ARHGEF19: variants seen among roughly 807,000 people sequenced by gnomAD.
The protein encoded by ARHGEF19 is Rho guanine nucleotide exchange factor (GEF) 19.
ARHGEF19 carries 92 observed loss-of-function variants against 87.6 expected under a neutral mutation model. The observed-to-expected ratio is 1.05, with a 90% CI of 0.89 to 1.25. ARHGEF19 has a LOEUF of 1.25. Ranked by LOEUF, ARHGEF19 falls within the 50% of genes most tolerant of loss-of-function variation. The pLI, the probability that ARHGEF19 is intolerant of heterozygous loss-of-function variation, is 0.00. For synonymous variants in ARHGEF19, 438 were observed against 446.2 expected (o/e 0.98, Z 0.23); for missense variants, 1,054 against 1,051.8 (o/e 1.00, Z -0.03).
intron 14 of ARHGEF19, 117 bp downstream of exon 14, chr1:16,201,665 C>CTATGGG: frequency 9.2e-7 from 1 of 1,085,358 alleles, no homozygotes; most frequent in Non-Finnish European, 1.3e-6. Context: ...CCTGACTGCC[C>CTATGGG]CAGAAGTTGG....
At position 16,207,374 on chromosome 1, in the gene ARHGEF19, G is replaced by T; in HGVS notation, c.874+148C>A. On this transcript the variant is annotated intron_variant, in intron 5 of 15. Transcript: ENST00000270747. This position sits in a 1 kb window ranked among gnomAD's most constrained non-coding sequence, Gnocchi z 4.0. ...TTCATTCATTCCATAAACAAATTGA[G>T]CACCTACTGAGTGCTAGATACCGAC... is the stretch of plus-strand genomic sequence containing the variant. The T allele has an allele frequency of 1.5e-6, 2 of 1,319,786 alleles. No individual in the cohort carries two copies. The highest frequency in any genetic ancestry group is 1.5e-5 in the South Asian group (1 of 68,354). The allele number at this position is 1,319,786 out of a possible 1,614,324, so 81.8% of individuals were successfully genotyped here.
intron 1 of ARHGEF19, among the ~76,000 whole-genome samples, chr1:16,211,929 T>C (rs1454720126): frequency 2.6e-5 from 4 of 152,206 alleles, no homozygotes; most frequent in Middle Eastern, 3.2e-3. Flanking sequence ...CGCCCAAGCT[T>C]TGAGGCCCAG....
Position 16,208,825 on chromosome 1 carries a change from A to G in ARHGEF19, c.230T>C (p.Leu77Pro). 2.5e-6 allele frequency: 4 copies of G among 1,612,894 alleles called. No homozygotes were observed. Among genetic ancestry groups the G allele is most frequent in the Non-Finnish European group, 3.4e-6 (4 of 1,179,562 alleles). The change falls in exon 2 of 16, where the codon CTA (leucine) becomes CCA (proline). Residue 77 changes from leucine to proline, a missense_variant. Leu to Pro is a moderately conservative substitution (Grantham distance 98, BLOSUM62 -3). Coordinates refer to ENST00000270747, the MANE Select transcript of ARHGEF19 (RefSeq NM_153213.5). ...TGAGCCTCCTGGGGATAATGGCCAT[A>G]GCAACCCTTGGAGAGGGGCAGGGGT... ...LGTPAPLQGL[L>P]WPLSPGGSDT...
At position 16,207,833 on chromosome 1, in the gene ARHGEF19, GC is replaced by G; in HGVS notation, c.695-57del. ...TCCAGAGAGTGGGCCTGGGGCCTGG[GC>G]CCCGGCCCAGGCACCCTGACGGCCT... On this transcript the variant is annotated intron_variant, in intron 3 of 15. Coordinates refer to ENST00000270747, the MANE Select transcript of ARHGEF19 (RefSeq NM_153213.5). The surrounding 1 kb of genome is among the most constrained non-coding windows in gnomAD (Gnocchi z 4.0). 1 of 1,591,166 alleles carries G rather than the reference GC, an allele frequency of 6.3e-7. No homozygotes were observed. Among genetic ancestry groups the G allele is most frequent in the Non-Finnish European group, 8.5e-7 (1 of 1,169,912 alleles).
At position 16,207,377 on chromosome 1, in the gene ARHGEF19, C is replaced by A. The variant is rs1393039381; in HGVS notation, c.874+145G>T. On this transcript the variant is annotated intron_variant, in intron 5 of 15. Coordinates refer to ENST00000270747, the MANE Select transcript of ARHGEF19 (RefSeq NM_153213.5). This position sits in a 1 kb window ranked among gnomAD's most constrained non-coding sequence, Gnocchi z 4.0. ...ATTCATTCCATAAACAAATTGAGCA[C>A]CTACTGAGTGCTAGATACCGACAGT... 6.8e-6 allele frequency: 9 copies of A among 1,332,048 alleles called. No homozygotes were observed. Among genetic ancestry groups the A allele is most frequent in the Non-Finnish European group, 9.2e-6 (9 of 982,648 alleles). The allele number at this position is 1,332,048 out of a possible 1,614,324, so 82.5% of individuals were successfully genotyped here.
intron 15 of ARHGEF19, 75 bp downstream of exon 15, chr1:16,199,075 T>A (rs1278840947): frequency 4.2e-6 from 6 of 1,423,976 alleles, no homozygotes; most frequent in Non-Finnish European, 5.9e-6. Context: ...CCTTTCCCTG[T>A]GATATCTTAG....
At position 16,207,896 on chromosome 1, in the gene ARHGEF19, C is replaced by A; in HGVS notation, c.694+48G>T. On this transcript the variant is annotated intron_variant, in intron 3 of 15. Coordinates refer to ENST00000270747, the MANE Select transcript of ARHGEF19 (RefSeq NM_153213.5). This position sits in a 1 kb window ranked among gnomAD's most constrained non-coding sequence, Gnocchi z 4.0. Reference sequence around the variant, plus strand: ...TGAGTGGGCATCGCCCACCCCCACCCCCACCCGGCATCTGGCTGCCCTCAG... The same window carrying A: ...TGAGTGGGCATCGCCCACCCCCACCACCACCCGGCATCTGGCTGCCCTCAG... The A allele has an allele frequency of 6.4e-7, 1 of 1,557,146 alleles. No individual in the cohort carries two copies. The highest frequency in any genetic ancestry group is 8.7e-7 in the Non-Finnish European group (1 of 1,144,774).
chr1:16,200,818 T>C (rs1209758263), intron 14 of ARHGEF19, among the ~76,000 whole-genome samples: 1 of 151,940 alleles, frequency 6.6e-6, no homozygotes, highest in Non-Finnish European at 1.5e-5. Flanking sequence ...TAAGAATCAC[T>C]TGAACCCAGG....
rs2081124820 is a variant in ARHGEF19 at position 16,205,682 on chromosome 1, G to C, written c.1452-15C>G. ...GGTTCTCCAGGCTGGAAAATGGGGA[G>C]GACTCTGGAATCACAGGTAGGCCTG... On this transcript the variant is annotated splice_polypyrimidine_tract_variant and intron_variant, in intron 8 of 15. Coordinates refer to ENST00000270747, the MANE Select transcript of ARHGEF19 (RefSeq NM_153213.5). This position sits in a 1 kb window ranked among gnomAD's most constrained non-coding sequence, Gnocchi z 5.8. 1 of 1,598,108 alleles carries C rather than the reference G, an allele frequency of 6.3e-7. No individual in the cohort carries two copies. Among genetic ancestry groups the C allele is most frequent in the Admixed American group, 1.8e-5 (1 of 55,692 alleles).
At chr1:16,201,961 G>T (rs1206596226) in intron 13 of ARHGEF19, 100 bp from the exon 14 acceptor site, 295 of 1,278,328 alleles carry the variant, frequency 2.3e-4, no homozygotes, top group Non-Finnish European at 3.0e-4. Context: ...TGATGTCCAG[G>T]CCTAGGACCC....
chr1:16,204,913 G>A lies in ARHGEF19; in HGVS notation c.1753C>T (p.Pro585Ser). 1.3e-6 allele frequency: 2 copies of A among 1,599,620 alleles called. No individual in the cohort carries two copies. The highest frequency in any genetic ancestry group is 1.7e-6 in the Non-Finnish European group (2 of 1,172,590). Residue 585 changes from proline (P) to serine (S), a missense_variant, in exon 12 of 16, where the codon CCG becomes TCG. Physicochemically the swap from Pro to Ser is moderately conservative, Grantham distance 74 (BLOSUM62 -1). Transcript: ENST00000270747. ...AGCCAGCGGGCCTGAGAGATCAGCG[G>A]GAAAATCTAGAGGGATGGAGAAGGA... ...KKIHFEGKIF[P>S]LISQARWLVR...
chr1:16,211,672 T>C (rs1402794127), intron 1 of ARHGEF19, among the ~76,000 whole-genome samples: 1 of 152,228 alleles, frequency 6.6e-6, no homozygotes, highest in Non-Finnish European at 1.5e-5. Context: ...CCCATCTAGC[T>C]GGGATGCCAG....
In ARHGEF19 at chr1:16,205,723, C is replaced by A; in HGVS notation, c.1452-56G>T. On this transcript the variant is annotated intron_variant, in intron 8 of 15. Transcript: ENST00000270747. This position sits in a 1 kb window ranked among gnomAD's most constrained non-coding sequence, Gnocchi z 5.8. ...GGTAGGCCTGAATTCCTGGGATCCA[C>A]AACCCTGGCCATCCACGGGGTCCTC... The A allele has an allele frequency of 4.5e-6, 7 of 1,548,114 alleles. No individual in the cohort carries two copies. Among genetic ancestry groups the A allele is most frequent in the Non-Finnish European group, 6.1e-6 (7 of 1,148,206 alleles).
In ARHGEF19 at chr1:16,208,931, G is replaced by C. The variant is rs747789840; in HGVS notation, c.124C>G (p.Pro42Ala). The change falls in exon 2 of 16, where the codon CCC becomes GCC. Residue 42 changes from proline (P) to alanine (A), a missense_variant. Transcript: ENST00000270747. Reference sequence around the variant, plus strand: ...AGGTCCAGACACACTGGGCTCGGGGGCTTCAGGGCGGGCAGCTCTGCAAAG... The same window carrying C: ...AGGTCCAGACACACTGGGCTCGGGGCCTTCAGGGCGGGCAGCTCTGCAAAG... ...LSFAELPALK[P>A]PSPVCLDLFP... is the part of the protein sequence containing the mutation. 3 of 1,583,716 alleles carry C rather than the reference G, an allele frequency of 1.9e-6. No homozygotes were observed. The East Asian group carries it at 6.8e-5, about 36-fold the overall frequency.
chr1:16,199,765 A>G (rs1438233575), intron 14 of ARHGEF19, among the ~76,000 whole-genome samples: 2 of 152,018 alleles, frequency 1.3e-5, no homozygotes, highest in Non-Finnish European at 2.9e-5. Context: ...TAGGCCCTAC[A>G]AGGCCCTTCA....
intron 14 of ARHGEF19, 85 bp downstream of exon 14, chr1:16,201,697 C>A (rs2081084523): frequency 5.5e-6 from 8 of 1,453,688 alleles, no homozygotes; most frequent in Non-Finnish European, 6.5e-6. Flanking sequence ...ATAGCCCTGC[C>A]AGCAACACAG....
Position 16,207,898 on chromosome 1 carries a change from C to CCCCCG in ARHGEF19, c.694+45_694+46insCGGGG. On this transcript the variant is annotated intron_variant, in intron 3 of 15. Coordinates refer to ENST00000270747, the MANE Select transcript of ARHGEF19 (RefSeq NM_153213.5). The surrounding 1 kb of genome is among the most constrained non-coding windows in gnomAD (Gnocchi z 4.0). ...AGTGGGCATCGCCCACCCCCACCCC[C>CCCCCG]ACCCGGCATCTGGCTGCCCTCAGGG... The CCCCCG allele has an allele frequency of 6.4e-7, 1 of 1,562,138 alleles. No individual in the cohort carries two copies. The highest frequency in any genetic ancestry group is 8.7e-7 in the Non-Finnish European group (1 of 1,149,016).
chr1:16,209,698 C>G (rs1038135913), intron 1 of ARHGEF19, among the ~76,000 whole-genome samples: 20 of 152,220 alleles, frequency 1.3e-4, no homozygotes, highest in Non-Finnish European at 2.2e-4. Flanking sequence ...CACAGGCACC[C>G]AAGATTTCTC....
rs1198486249 is a variant in ARHGEF19 at position 16,206,452 on chromosome 1, T to C, written c.1138-112A>G. The C allele has an allele frequency of 8.2e-7, 1 of 1,218,136 alleles. No homozygotes were observed. The highest frequency in any genetic ancestry group is 2.1e-5 in the Admixed American group (1 of 47,116). 75.5% of individuals were successfully genotyped at this position (1,218,136 alleles called of 1,614,324 possible). On this transcript the variant is annotated intron_variant, in intron 6 of 15. Coordinates refer to ENST00000270747, the MANE Select transcript of ARHGEF19 (RefSeq NM_153213.5). This position sits in a 1 kb window ranked among gnomAD's most constrained non-coding sequence, Gnocchi z 4.6. ...ACACCTCGCGTCCTCGCCCCTTCTC[T>C]AGCCCCACTCCTAATCTGGCGCCGG... is the stretch of plus-strand genomic sequence containing the variant.
Sources: gnomAD v4.1 joint callset for allele counts (sites outside exome capture counted in the v4.1 genomes callset) on GRCh38, gnomAD v4.1.1 for gene constraint, Gnocchi (gnomAD v3.1) non-coding constraint, MANE v1.5 for transcripts, NCBI Gene and HGNC (gene_info 2026-07-23, HGNC 2026-07-21) for gene names.